OPCML: variants seen among roughly 807,000 people sequenced by gnomAD.
OPCML encodes the protein opioid-binding protein/cell adhesion molecule.
OPCML carries 13 observed loss-of-function variants against 37.8 expected under a neutral mutation model. The ratio of observed to expected loss-of-function variants is 0.34; its 90% CI spans 0.22 to 0.55. The LOEUF (loss-of-function observed/expected upper bound fraction) is 0.55, where lower values mean the gene tolerates loss of function less well. Among genes scored for constraint, OPCML ranks in the 20% least tolerant of loss-of-function variants. OPCML has a pLI of 0.91. For synonymous variants in OPCML, 176 were observed against 168.8 expected (o/e 1.04, Z -0.33); for missense variants, 341 against 435.6 (o/e 0.78, Z 1.93).
chr11:133,207,966 TC>T (rs1441124965), intron 1 of OPCML, among the ~76,000 whole-genome samples: 1 of 152,154 alleles, frequency 6.6e-6, no homozygotes, highest in Non-Finnish European at 1.5e-5. Context: ...AAAATATTTT[TC>T]CCTCCTTTAC....
intron 4 of OPCML, among the ~76,000 whole-genome samples, chr11:132,468,605 A>G (rs1352316075): frequency 6.6e-6 from 1 of 152,222 alleles, no homozygotes; most frequent in East Asian, 1.9e-4. Flanking sequence ...TTCTTTCAGA[A>G]AACATCCCAA....
intron 2 of OPCML, among the ~76,000 whole-genome samples, chr11:132,735,692 C>T (rs1195489227): frequency 6.6e-6 from 1 of 152,092 alleles, no homozygotes; most frequent in Middle Eastern, 3.2e-3. Context: ...ACTATGTTAG[C>T]CAGGATGGTC....
intron 1 of OPCML, among the ~76,000 whole-genome samples, chr11:133,294,563 T>G (rs891910265): frequency 1.3e-5 from 2 of 152,210 alleles, no homozygotes; most frequent in Admixed American, 1.3e-4. Context: ...ATGAAGAAGA[T>G]GGACTTCTTC....
At chr11:133,293,519 G>A (rs867131782) in intron 1 of OPCML, among the ~76,000 whole-genome samples, 2 of 152,170 alleles carry the variant, frequency 1.3e-5, no homozygotes, top group Non-Finnish European at 2.9e-5. Context: ...TGGCTACTAA[G>A]TAATAAATAA....
intron 2 of OPCML, among the ~76,000 whole-genome samples, chr11:132,756,797 A>G (rs921023695): frequency 1.3e-5 from 2 of 152,028 alleles, no homozygotes; most frequent in East Asian, 3.9e-4. Context: ...TTTTTTTATT[A>G]TACTTTAAGT....
chr11:133,200,538 G>A (rs1162856156), intron 1 of OPCML, among the ~76,000 whole-genome samples: 7 of 152,074 alleles, frequency 4.6e-5, no homozygotes, highest in African/African-American at 1.4e-4. Flanking sequence ...TTTTCTGTAC[G>A]TGCAATCTCT....
In OPCML at chr11:133,206,245, G is replaced by A. The variant is rs1014182612; in HGVS notation, c.62-263235C>T. 3.9e-5 allele frequency among the ~76,000 whole-genome samples: 6 copies of A among 152,158 alleles called. No homozygotes were observed. The highest frequency in any genetic ancestry group is 5.9e-5 in the Non-Finnish European group (4 of 68,034). On this transcript the variant is annotated intron_variant, in intron 1 of 7. Coordinates refer to ENST00000524381, the MANE Select transcript of OPCML (RefSeq NM_001012393.5). The surrounding 1 kb of genome is among the most constrained non-coding windows in gnomAD (Gnocchi z 4.7). Reference sequence around the variant, plus strand: ...GCGAGCAGTACATTAAAGATCAGCAGTACATTAAGATCAGCGTGATTAAAG... The same window carrying A: ...GCGAGCAGTACATTAAAGATCAGCAATACATTAAGATCAGCGTGATTAAAG...
At chr11:132,923,707 A>G (rs1256543011) in intron 2 of OPCML, among the ~76,000 whole-genome samples, 1 of 147,640 alleles carries the variant, frequency 6.8e-6, no homozygotes, top group African/African-American at 2.5e-5. Flanking sequence ...GCCTCTGTCA[A>G]ACAGACATTA....
chr11:132,979,503 C>T (rs764231175), intron 1 of OPCML, among the ~76,000 whole-genome samples: 4 of 152,224 alleles, frequency 2.6e-5, no homozygotes, highest in African/African-American at 4.8e-5. Flanking sequence ...ATGGCCTCTG[C>T]CGAGAGGTTT....
In OPCML at chr11:133,208,829, A is replaced by G. The variant is rs1227061830; in HGVS notation, c.62-265819T>C. On this transcript the variant is annotated intron_variant, in intron 1 of 7. Transcript: ENST00000524381. This position sits in a 1 kb window ranked among gnomAD's most constrained non-coding sequence, Gnocchi z 8.9. ...AAGATATAAGACTTCATTCCCTATA[A>G]ATCACGCTATTCCATGACTACCTAT... 2.0e-5 allele frequency among the ~76,000 whole-genome samples: 3 copies of G among 152,152 alleles called. No homozygotes were observed. Among genetic ancestry groups the G allele is most frequent in the Non-Finnish European group, 4.4e-5 (3 of 68,020 alleles).
intron 1 of OPCML, among the ~76,000 whole-genome samples, chr11:133,328,777 C>G (rs951620139): frequency 6.6e-6 from 1 of 152,138 alleles, no homozygotes; most frequent in Non-Finnish European, 1.5e-5. Flanking sequence ...TGGCACAAGA[C>G]AGGGATGCCC....
At chr11:132,944,803 C>T (rs954043879) in intron 1 of OPCML, among the ~76,000 whole-genome samples, 1 of 152,214 alleles carries the variant, frequency 6.6e-6, no homozygotes, top group Admixed American at 6.5e-5. Context: ...TCTCCGCTCC[C>T]CTGGCAGAAG....
At chr11:132,552,120 GTTTCTAAC>G (rs1470045723) in intron 3 of OPCML, among the ~76,000 whole-genome samples, 1 of 152,212 alleles carries the variant, frequency 6.6e-6, no homozygotes, top group Non-Finnish European at 1.5e-5. Context: ...CCCTGCCTCA[GTTTCTAAC>G]TTTAGTAGGT....
intron 4 of OPCML, among the ~76,000 whole-genome samples, chr11:132,528,572 T>C (rs904761304): frequency 2.6e-5 from 4 of 152,212 alleles, no homozygotes; most frequent in African/African-American, 7.2e-5. Context: ...ACCATTTCCA[T>C]CATCCTTCTT....
intron 1 of OPCML, among the ~76,000 whole-genome samples, chr11:133,517,555 G>A (rs1030917849): frequency 6.6e-6 from 1 of 152,214 alleles, no homozygotes; most frequent in Non-Finnish European, 1.5e-5. Flanking sequence ...GGCGGTGGGG[G>A]TTTGGACTGT....
intron 4 of OPCML, among the ~76,000 whole-genome samples, chr11:132,470,332 C>T (rs929307485): frequency 1.3e-5 from 2 of 151,910 alleles, no homozygotes; most frequent in Non-Finnish European, 2.9e-5. Context: ...ATCAGCTATT[C>T]AAAATGAAGG....
At chr11:133,418,592 G>A in intron 1 of OPCML, 1 of 333,804 alleles carries the variant, frequency 3.0e-6, no homozygotes, top group Non-Finnish European at 4.3e-6. Context: ...GTCATTCCTG[G>A]GTGTGGGCCA....
intron 1 of OPCML, among the ~76,000 whole-genome samples, chr11:133,463,676 A>G (rs1946910331): frequency 6.6e-6 from 1 of 152,166 alleles, no homozygotes; most frequent in Admixed American, 6.5e-5. Flanking sequence ...TCTTCATTCA[A>G]TTCAGCTATA....
intron 1 of OPCML, among the ~76,000 whole-genome samples, chr11:133,373,874 T>G (rs943585078): frequency 1.3e-5 from 2 of 152,204 alleles, no homozygotes; most frequent in African/African-American, 4.8e-5. Flanking sequence ...TTCCATCATA[T>G]GCATGTATCA....
Sources: gnomAD v4.1 joint callset for allele counts (sites outside exome capture counted in the v4.1 genomes callset) on GRCh38, gnomAD v4.1.1 for gene constraint, Gnocchi (gnomAD v3.1) non-coding constraint, MANE v1.5 for transcripts, NCBI Gene and HGNC (gene_info 2026-07-23, HGNC 2026-07-21) for gene names.